Variants in MCTP1 observed in about 807,000 individuals in gnomAD.
MCTP1 encodes the protein multiple C2 and transmembrane domain containing 1.
A neutral mutation model predicts 120.6 loss-of-function variants in MCTP1; 69 were observed. The ratio of observed to expected loss-of-function variants is 0.57; its 90% confidence interval spans 0.47 to 0.70. The LOEUF (loss-of-function observed/expected upper bound fraction) is 0.70, where lower values mean the gene tolerates loss of function less well. Ranked by LOEUF, MCTP1 falls within the 30% of genes least tolerant of loss-of-function variation. The pLI, the probability that MCTP1 is intolerant of heterozygous loss-of-function variation, is 0.00. For missense variants in MCTP1, 1,203 were observed against 1,248.8 expected, an observed-to-expected ratio of 0.96 and a Z score of 0.55; for synonymous variants, 529 against 493.1, an observed-to-expected ratio of 1.07 and a Z score of -0.96.
intron 17 of MCTP1, among the ~76,000 whole-genome samples, chr5:94,803,638 AT>A (rs1365707052): frequency 6.6e-6 from 1 of 152,016 alleles, no homozygotes; most frequent in East Asian, 1.9e-4. Flanking sequence ...ACTACATATA[AT>A]TTTTTTTGGC....
intron 1 of MCTP1, among the ~76,000 whole-genome samples, chr5:95,191,074 G>A (rs1393280297): frequency 1.3e-5 from 2 of 151,908 alleles, no homozygotes; most frequent in Non-Finnish European, 2.9e-5. Flanking sequence ...GAAGATCAAA[G>A]CACATAATAT....
At position 94,772,972 on chromosome 5, in the gene MCTP1, T is replaced by C. The variant is rs145297690; in HGVS notation, c.2610+6138A>G. On this transcript the variant is annotated intron_variant, in intron 19 of 22. Transcript: ENST00000515393. ...TCACTTTAAATTAAGTGGGTTGAACTAGATTATTTCTTGGGTACCCTCCAG... is the reference window on the plus strand; with the variant it reads ...TCACTTTAAATTAAGTGGGTTGAACCAGATTATTTCTTGGGTACCCTCCAG... Among the ~76,000 whole-genome samples, 281 of 152,316 alleles carry C rather than the reference T, an allele frequency of 1.8e-3. 1 individual carries two copies. Among genetic ancestry groups the C allele is most frequent in the African/African-American group, 6.5e-3 (272 of 41,566 alleles).
intron 19 of MCTP1, among the ~76,000 whole-genome samples, chr5:94,775,998 C>G (rs1775228604): frequency 6.7e-6 from 1 of 148,248 alleles, no homozygotes. Flanking sequence ...AAGCCATAAT[C>G]TGGAAGAACT....
chr5:94,935,782 A>C (rs1329918322), intron 5 of MCTP1, among the ~76,000 whole-genome samples: 2 of 152,012 alleles, frequency 1.3e-5, no homozygotes, highest in East Asian at 3.9e-4. Context: ...TTTCTTACAT[A>C]ATTCTCATTT....
At chr5:94,738,018 A>C (rs993192485) in intron 19 of MCTP1, among the ~76,000 whole-genome samples, 2 of 152,242 alleles carry the variant, frequency 1.3e-5, no homozygotes, top group Non-Finnish European at 2.9e-5. Context: ...GCCATTCATC[A>C]GAAGCGAAAC....
intron 19 of MCTP1, among the ~76,000 whole-genome samples, chr5:94,755,250 C>T (rs1489925899): frequency 1.3e-5 from 2 of 152,194 alleles, no homozygotes; most frequent in Non-Finnish European, 2.9e-5. Context: ...TCCCTGACCC[C>T]TTCCTTCTGC....
chr5:95,037,677 C>A (rs940142792), intron 1 of MCTP1, among the ~76,000 whole-genome samples: 4 of 152,160 alleles, frequency 2.6e-5, no homozygotes, highest in Admixed American at 2.0e-4. Flanking sequence ...ATCGGCCTGG[C>A]AAACACAGTG....
intron 2 of MCTP1, 91 bp downstream of exon 2, chr5:95,017,276 A>T: frequency 1.5e-6 from 1 of 665,002 alleles, no homozygotes; most frequent in Non-Finnish European, 2.5e-6. Context: ...ATTCTAGTTA[A>T]TTTTTTATAA....
intron 1 of MCTP1, among the ~76,000 whole-genome samples, chr5:95,067,942 C>T (rs1751109733): frequency 6.6e-6 from 1 of 152,138 alleles, no homozygotes; most frequent in African/African-American, 2.4e-5. Flanking sequence ...ACCCTTTCCC[C>T]ATCCCTCTGG....
At chr5:94,863,532 G>GTCTT (rs1796213951) in intron 17 of MCTP1, among the ~76,000 whole-genome samples, 1 of 151,762 alleles carries the variant, frequency 6.6e-6, no homozygotes, top group Non-Finnish European at 1.5e-5. Flanking sequence ...GCCTTAATGT[G>GTCTT]AATATTAAGA....
In MCTP1 at chr5:95,000,800, A is replaced by G. The variant is rs77187578; in HGVS notation, c.838+16567T>C. On this transcript the variant is annotated intron_variant, in intron 2 of 22. Coordinates refer to ENST00000515393, the MANE Select transcript of MCTP1 (RefSeq NM_024717.7). ...AATAAATTTAGTGTAGCCTAAGTGTACAGTGTGTATCACCTACAGTAAAGT... is the reference window on the plus strand; with the variant it reads ...AATAAATTTAGTGTAGCCTAAGTGTGCAGTGTGTATCACCTACAGTAAAGT... 9.4e-4 allele frequency among the ~76,000 whole-genome samples: 143 copies of G among 152,356 alleles called. 7 individuals are homozygous for G. In the East Asian group the frequency reaches 0.024, roughly 26 times the overall value.
intron 17 of MCTP1, among the ~76,000 whole-genome samples, chr5:94,860,808 T>C (rs773484460): frequency 6.6e-6 from 1 of 151,648 alleles, no homozygotes; most frequent in Non-Finnish European, 1.5e-5. Context: ...CAATATCCCC[T>C]GAGAAAATCT....
chr5:95,019,030 A>G (rs1431293882), intron 1 of MCTP1, among the ~76,000 whole-genome samples: 1 of 152,084 alleles, frequency 6.6e-6, no homozygotes, highest in Non-Finnish European at 1.5e-5. Context: ...ACTAGTTTTA[A>G]ACAAAGATAG....
At chr5:95,149,650 G>A (rs1243375643) in intron 1 of MCTP1, among the ~76,000 whole-genome samples, 1 of 152,174 alleles carries the variant, frequency 6.6e-6, no homozygotes, top group African/African-American at 2.4e-5. Context: ...GTGAGAAGTG[G>A]TACAGTCTGA....
chr5:95,282,504 T>C (rs974889013), intron 1 of MCTP1, among the ~76,000 whole-genome samples: 8 of 152,214 alleles, frequency 5.3e-5, no homozygotes, highest in African/African-American at 1.9e-4. Context: ...TCCTTTAATA[T>C]ATAGTATTCA....
intron 1 of MCTP1, among the ~76,000 whole-genome samples, chr5:95,228,753 C>T (rs181430261): frequency 4.6e-4 from 70 of 152,246 alleles, no homozygotes; most frequent in African/African-American, 1.5e-3. Flanking sequence ...CGATAGTGAA[C>T]AAGTCCTTGT....
intron 1 of MCTP1, among the ~76,000 whole-genome samples, chr5:95,177,635 G>A (rs1452283901): frequency 6.6e-6 from 1 of 152,216 alleles, no homozygotes; most frequent in Non-Finnish European, 1.5e-5. Flanking sequence ...TGCAGTGAAA[G>A]GAGTAACGTG....
chr5:94,775,604 G>A (rs1300166932), intron 19 of MCTP1, among the ~76,000 whole-genome samples: 1 of 152,152 alleles, frequency 6.6e-6, no homozygotes, highest in Non-Finnish European at 1.5e-5. Context: ...AAAGGGAATT[G>A]AGAACTCAGT....
intron 1 of MCTP1, among the ~76,000 whole-genome samples, chr5:95,170,608 T>G (rs1437266765): frequency 2.0e-5 from 3 of 152,202 alleles, no homozygotes; most frequent in African/African-American, 7.2e-5. Flanking sequence ...ATTGGGTGCA[T>G]ATATATTTAG....
Sources: allele counts gnomAD v4.1 joint callset (sites outside exome capture counted in the v4.1 genomes callset), GRCh38; gene constraint gnomAD v4.1.1; transcripts MANE v1.5; gene names NCBI Gene and HGNC (gene_info 2026-07-23, HGNC 2026-07-21).